The following DNAJC1 variants were observed in gnomAD, a reference collection of about 807,000 sequenced individuals.
DNAJC1 encodes DnaJ heat shock protein family (Hsp40) member C1, also known as dnaJ homolog subfamily C member 1.
A neutral mutation model predicts 76.6 loss-of-function variants in DNAJC1; 58 were observed. The observed-to-expected ratio is 0.76, with a 90% CI of 0.61 to 0.94. The LOEUF (loss-of-function observed/expected upper bound fraction) is 0.94. Ranked by LOEUF, DNAJC1 falls within the 40% of genes least tolerant of loss-of-function variation. The probability of loss-of-function intolerance (pLI) is 0.00; values close to 1 mark genes in which losing one functional copy is unlikely to be tolerated. For synonymous variants in DNAJC1, 258 were observed against 267.9 expected (o/e 0.96, Z 0.36); for missense variants, 689 against 677.3 (o/e 1.02, Z -0.19).
chr10:21,956,626 T>C (rs1008613309), intron 1 of DNAJC1, among the ~76,000 whole-genome samples: 6 of 150,454 alleles, frequency 4.0e-5, no homozygotes, highest in Non-Finnish European at 7.4e-5. Context: ...TTTTTATTTA[T>C]ATATAAAACA....
chr10:21,768,804 T>C (rs1016847725), intron 9 of DNAJC1, among the ~76,000 whole-genome samples: 1 of 152,196 alleles, frequency 6.6e-6, no homozygotes, highest in Admixed American at 6.5e-5. Context: ...TTCCTTCTTT[T>C]ATCCTAATTC....
intron 1 of DNAJC1, among the ~76,000 whole-genome samples, chr10:21,945,432 T>C (rs963975921): frequency 2.0e-5 from 3 of 152,180 alleles, no homozygotes; most frequent in Admixed American, 1.3e-4. Context: ...GAGAAAGATA[T>C]AGTTGAGAGA....
At chr10:21,837,593 C>A (rs1324124946) in intron 8 of DNAJC1, among the ~76,000 whole-genome samples, 1 of 151,280 alleles carries the variant, frequency 6.6e-6, no homozygotes, top group African/African-American at 2.4e-5. Flanking sequence ...AGCCTCTCTG[C>A]CCGGCCGCCC....
chr10:21,937,854 T>C (rs981692481), intron 1 of DNAJC1, among the ~76,000 whole-genome samples: 1 of 152,120 alleles, frequency 6.6e-6, no homozygotes, highest in African/African-American at 2.4e-5. Context: ...AAACAACACA[T>C]TTTTAAACAA....
chr10:21,834,079 A>G (rs2131671261), intron 8 of DNAJC1, among the ~76,000 whole-genome samples: 1 of 152,264 alleles, frequency 6.6e-6, no homozygotes, highest in South Asian at 2.1e-4. Context: ...CCTGGGTAAC[A>G]CGGTGAAACC....
At position 21,916,012 on chromosome 10, in the gene DNAJC1, G is replaced by A. The variant is rs7916788; in HGVS notation, c.729+2767C>T. 8.5e-3 allele frequency among the ~76,000 whole-genome samples: 1,287 copies of A among 151,850 alleles called. 19 individuals carry two copies. Among genetic ancestry groups the A allele is most frequent in the African/African-American group, 0.029 (1,214 of 41,410 alleles). On this transcript the variant is annotated intron_variant, in intron 6 of 11. Coordinates refer to ENST00000376980, the MANE Select transcript of DNAJC1 (RefSeq NM_022365.4). ...AAATTAAATTAAATTAAATTAAAAT[G>A]AAGTTAACTAGATGTCAGAAAGCCA...
At chr10:21,861,915 A>C (rs1049449914) in intron 8 of DNAJC1, among the ~76,000 whole-genome samples, 3 of 151,176 alleles carry the variant, frequency 2.0e-5, no homozygotes, top group African/African-American at 7.3e-5. Context: ...TTTATTTTTT[A>C]TTTATTTATT....
In DNAJC1 at chr10:21,861,555, A is replaced by G. The variant is rs189754417; in HGVS notation, c.978+20727T>C. Among the ~76,000 whole-genome samples, 216 of 152,298 alleles carry G rather than the reference A, an allele frequency of 1.4e-3. 4 individuals are homozygous for G. The highest frequency in any genetic ancestry group is 4.9e-3 in the African/African-American group (204 of 41,560). ...GGCTGCATTCCCAGACAGTTAAGGC[A>G]TTCTAAGTCACAGGATGAGACAGGA... is the stretch of plus-strand genomic sequence containing the variant. On this transcript the variant is annotated intron_variant, in intron 8 of 11. Transcript: ENST00000376980.
chr10:21,883,595 AC>A (rs1213483215), intron 7 of DNAJC1, among the ~76,000 whole-genome samples: 1 of 152,140 alleles, frequency 6.6e-6, no homozygotes, highest in African/African-American at 2.4e-5. Context: ...AATAAAACTA[AC>A]TTCATGGCTT....
At chr10:21,911,692 T>C (rs989200313) in intron 6 of DNAJC1, among the ~76,000 whole-genome samples, 1 of 152,220 alleles carries the variant, frequency 6.6e-6, no homozygotes, top group Admixed American at 6.5e-5. Context: ...ACTTATGTCC[T>C]ACAGATGTCC....
chr10:21,850,712 C>A (rs768368755), intron 8 of DNAJC1, among the ~76,000 whole-genome samples: 1 of 151,742 alleles, frequency 6.6e-6, no homozygotes, highest in African/African-American at 2.4e-5. Flanking sequence ...CCCTAAATAG[C>A]CAAAATGAAC....
chr10:21,842,454 G>A lies in DNAJC1; in HGVS notation c.979-36355C>T, dbSNP rs112945489. 1.5e-4 allele frequency among the ~76,000 whole-genome samples: 23 copies of A among 152,298 alleles called. 1 individual carries two copies. Among genetic ancestry groups the A allele is most frequent in the Middle Eastern group, 6.8e-3 (2 of 294 alleles). On this transcript the variant is annotated intron_variant, in intron 8 of 11. Coordinates refer to ENST00000376980, the MANE Select transcript of DNAJC1 (RefSeq NM_022365.4). Reference sequence around the variant, plus strand: ...TAAAACAAGAAGTTTTTTAAAAAGCGTATATAATTCTGAGTCTATGGTATT... The same window carrying A: ...TAAAACAAGAAGTTTTTTAAAAAGCATATATAATTCTGAGTCTATGGTATT...
At chr10:21,882,676 C>A (rs1274212944) in intron 7 of DNAJC1, among the ~76,000 whole-genome samples, 1 of 152,090 alleles carries the variant, frequency 6.6e-6, no homozygotes, top group Non-Finnish European at 1.5e-5. Context: ...TTTGCATACA[C>A]CTTTGTTTTC....
At chr10:21,957,140 T>C (rs2131813831) in intron 1 of DNAJC1, among the ~76,000 whole-genome samples, 1 of 152,174 alleles carries the variant, frequency 6.6e-6, no homozygotes, top group East Asian at 1.9e-4. Context: ...TCCACCCGCC[T>C]CGGCCTCCCA....
chr10:21,789,979 C>T (rs1401107342), intron 9 of DNAJC1, among the ~76,000 whole-genome samples: 3 of 143,724 alleles, frequency 2.1e-5, no homozygotes, highest in Non-Finnish European at 4.5e-5. Flanking sequence ...CACTACACTC[C>T]AGCCTGGGCA....
intron 8 of DNAJC1, among the ~76,000 whole-genome samples, chr10:21,847,564 C>G (rs1234413495): frequency 6.6e-6 from 1 of 152,102 alleles, no homozygotes; most frequent in African/African-American, 2.4e-5. Flanking sequence ...TTTGCAACCG[C>G]TAACCAGCCT....
At chr10:21,839,339 T>C (rs551318633) in intron 8 of DNAJC1, among the ~76,000 whole-genome samples, 13 of 152,194 alleles carry the variant, frequency 8.5e-5, no homozygotes, top group East Asian at 7.7e-4. Flanking sequence ...ATCAGCAAAA[T>C]TGATAGACCA....
At chr10:21,808,506 G>C (rs2131643645) in intron 8 of DNAJC1, among the ~76,000 whole-genome samples, 1 of 152,154 alleles carries the variant, frequency 6.6e-6, no homozygotes, top group Non-Finnish European at 1.5e-5. Context: ...TTTTAAAGAG[G>C]CTCGATAGTG....
rs138755339 is a variant in DNAJC1 at position 21,958,718 on chromosome 10, G to T, written c.223-29577C>A. On this transcript the variant is annotated intron_variant, in intron 1 of 11. Transcript: ENST00000376980. The stretch of plus-strand genomic sequence containing the variant: ...TGGGATTACAGGAGTGAGCCACCGC[G>T]CCTGGCCCAGATTTGCCTTTTCTAG... Among the ~76,000 whole-genome samples the T allele has an allele frequency of 2.6e-5, 4 of 152,096 alleles. No individual in the cohort carries two copies. The East Asian group carries it at 7.7e-4, about 29-fold the overall frequency.
Sources: gnomAD v4.1 joint callset for allele counts (sites outside exome capture counted in the v4.1 genomes callset) on GRCh38, gnomAD v4.1.1 for gene constraint, MANE v1.5 for transcripts, NCBI Gene and HGNC (gene_info 2026-07-23, HGNC 2026-07-21) for gene names.